The following CSMD1 variants were observed in gnomAD, a reference collection of about 807,000 sequenced individuals.
CSMD1 encodes the protein CUB and Sushi multiple domains 1, also known as CUB and sushi domain-containing protein 1.
Under a neutral mutation model 417.5 loss-of-function variants are expected in CSMD1, and 213 were observed. That is an observed-to-expected ratio of 0.51 (90% confidence interval 0.46 to 0.57). The LOEUF (loss-of-function observed/expected upper bound fraction) is 0.57, where lower values mean the gene tolerates loss of function less well. Ranked by LOEUF, CSMD1 falls within the 20% of genes least tolerant of loss-of-function variation. CSMD1 has a pLI of 0.00. For synonymous variants in CSMD1, 2,862 were observed against 1,736.8 expected, an observed-to-expected ratio of 1.65 and a Z score of -16.11; for missense variants, 6,923 against 4,529.7, an observed-to-expected ratio of 1.53 and a Z score of -15.17.
At chr8:4,927,328 G>C (rs920182285) in intron 1 of CSMD1, among the ~76,000 whole-genome samples, 9 of 152,076 alleles carry the variant, frequency 5.9e-5, no homozygotes, top group African/African-American at 2.2e-4. Context: ...AAAGTGGTAG[G>C]ATTACAGGTA....
chr8:3,147,980 C>T (rs562739115), intron 40 of CSMD1, among the ~76,000 whole-genome samples: 8 of 152,164 alleles, frequency 5.3e-5, no homozygotes, highest in Non-Finnish European at 1.2e-4. Context: ...ACCAAGATCA[C>T]CCTAACAGCA....
intron 1 of CSMD1, among the ~76,000 whole-genome samples, chr8:4,638,511 C>G (rs1802983983): frequency 6.6e-6 from 1 of 152,166 alleles, no homozygotes; most frequent in African/African-American, 2.4e-5. Flanking sequence ...AGGACTGTAA[C>G]AACATCCTCA....
Position 4,840,974 on chromosome 8 carries a change from C to A in CSMD1, c.85+153358G>T, listed in dbSNP as rs1022805605. On this transcript the variant is annotated intron_variant, in intron 1 of 69. Coordinates refer to ENST00000635120, the MANE Select transcript of CSMD1 (RefSeq NM_033225.6). Reference sequence around the variant, plus strand: ...TAAAAAACAAGTGCACTGGGCTAGTCCGATAAGGAGCATGTCCTCTTAACT... The same window carrying A: ...TAAAAAACAAGTGCACTGGGCTAGTACGATAAGGAGCATGTCCTCTTAACT... Among the ~76,000 whole-genome samples the A allele has an allele frequency of 2.6e-5, 4 of 152,202 alleles. No individual in the cohort carries two copies. In the East Asian group the frequency reaches 7.7e-4, roughly 29 times the overall value.
chr8:4,604,162 C>G (rs1452150253), intron 2 of CSMD1, among the ~76,000 whole-genome samples: 1 of 152,030 alleles, frequency 6.6e-6, no homozygotes, highest in East Asian at 1.9e-4. Context: ...AGTGGTAACT[C>G]TATTCCAAAG....
chr8:4,318,787 T>C (rs1352021082), intron 3 of CSMD1, among the ~76,000 whole-genome samples: 3 of 151,814 alleles, frequency 2.0e-5, no homozygotes, highest in African/African-American at 7.2e-5. Flanking sequence ...GGCATTGTAT[T>C]TACAAGCAAG....
intron 2 of CSMD1, among the ~76,000 whole-genome samples, chr8:4,635,077 A>G (rs1284603160): frequency 6.6e-6 from 1 of 152,190 alleles, no homozygotes; most frequent in African/African-American, 2.4e-5. Context: ...ACAAGTAGAA[A>G]TATGACATAT....
intron 20 of CSMD1, among the ~76,000 whole-genome samples, chr8:3,365,326 G>C (rs1041070015): frequency 6.6e-6 from 1 of 152,266 alleles, no homozygotes; most frequent in Non-Finnish European, 1.5e-5. Context: ...ATGGCAACTA[G>C]GTAGAATTAG....
chr8:4,791,263 C>A (rs957598695), intron 1 of CSMD1, among the ~76,000 whole-genome samples: 1 of 152,160 alleles, frequency 6.6e-6, no homozygotes, highest in Non-Finnish European at 1.5e-5. Flanking sequence ...CTTTGCCTGT[C>A]ATGGACACAG....
At chr8:4,438,198 G>C (rs534650837) in intron 2 of CSMD1, among the ~76,000 whole-genome samples, 1 of 152,138 alleles carries the variant, frequency 6.6e-6, no homozygotes, top group African/African-American at 2.4e-5. Context: ...CATTGAGATC[G>C]ATCTGCAAGA....
chr8:4,747,459 G>A (rs779719240), intron 1 of CSMD1, among the ~76,000 whole-genome samples: 2 of 152,096 alleles, frequency 1.3e-5, no homozygotes, highest in East Asian at 1.9e-4. Flanking sequence ...GAAAATTTAA[G>A]CAGGAAAGAG....
At chr8:3,600,214 C>G (rs1801295938) in intron 8 of CSMD1, among the ~76,000 whole-genome samples, 1 of 152,204 alleles carries the variant, frequency 6.6e-6, no homozygotes, top group Non-Finnish European at 1.5e-5. Context: ...ATCTGTCTGT[C>G]TTTCTCCTTT....
intron 7 of CSMD1, among the ~76,000 whole-genome samples, chr8:3,656,544 G>A (rs1406706342): frequency 1.5e-4 from 23 of 152,222 alleles, no homozygotes. Context: ...ATGGGTAGAT[G>A]CTCAAATGAG....
intron 1 of CSMD1, among the ~76,000 whole-genome samples, chr8:4,640,248 A>C (rs114214490): frequency 0.013 from 1,960 of 152,310 alleles, 38 homozygotes; most frequent in African/African-American, 0.045. Context: ...AAATTTTGGC[A>C]ACTGCTCAAA....
At chr8:4,127,373 C>G (rs1300369802) in intron 3 of CSMD1, among the ~76,000 whole-genome samples, 1 of 149,972 alleles carries the variant, frequency 6.7e-6, no homozygotes, top group East Asian at 2.0e-4. Flanking sequence ...TCAGCTTCAG[C>G]CACCTGAAAA....
chr8:3,781,205 G>C (rs1799161485), intron 5 of CSMD1, among the ~76,000 whole-genome samples: 1 of 152,068 alleles, frequency 6.6e-6, no homozygotes, highest in East Asian at 1.9e-4. Flanking sequence ...GTGATAATTG[G>C]AGCAAAATTT....
In CSMD1 at chr8:4,895,354, T is replaced by C. The variant is rs187817118; in HGVS notation, c.85+98978A>G. 1.5e-4 allele frequency among the ~76,000 whole-genome samples: 23 copies of C among 152,208 alleles called. No homozygotes were observed. The East Asian group carries it at 4.3e-3, about 28-fold the overall frequency. ...ATTTCAGTTTCTGGAGTAATGTAAGTGTAACAGCATGTTTAGCTCAGTATG... is the reference window on the plus strand; with the variant it reads ...ATTTCAGTTTCTGGAGTAATGTAAGCGTAACAGCATGTTTAGCTCAGTATG... On this transcript the variant is annotated intron_variant, in intron 1 of 69. Transcript: ENST00000635120.
intron 5 of CSMD1, among the ~76,000 whole-genome samples, chr8:3,893,795 T>C (rs188233103): frequency 9.2e-5 from 14 of 152,220 alleles, no homozygotes; most frequent in Non-Finnish European, 1.5e-4. Context: ...ATTTCCCCTA[T>C]AGAGAGCATG....
chr8:3,453,627 A>C (rs769248812), intron 12 of CSMD1, among the ~76,000 whole-genome samples: 2 of 152,058 alleles, frequency 1.3e-5, no homozygotes, highest in African/African-American at 2.4e-5. Flanking sequence ...TAGTTTTGAG[A>C]GACTTTCTTA....
chr8:3,271,894 G>T lies in CSMD1; in HGVS notation c.4153+12250C>A, dbSNP rs542171044. 9.0e-3 allele frequency among the ~76,000 whole-genome samples: 1,368 copies of T among 152,208 alleles called. 11 individuals are homozygous for T. Among genetic ancestry groups the T allele is most frequent in the Admixed American group, 0.014 (214 of 15,294 alleles). ...ATTTTGTAGGTTGCCTGTTCACTCT[G>T]ATGGTAGTTTCTTTTGCTGTGCAGA... is the stretch of plus-strand genomic sequence containing the variant. On this transcript the variant is annotated intron_variant, in intron 26 of 69. Coordinates refer to ENST00000635120, the MANE Select transcript of CSMD1 (RefSeq NM_033225.6).
Sources: allele counts gnomAD v4.1 joint callset (sites outside exome capture counted in the v4.1 genomes callset), GRCh38; gene constraint gnomAD v4.1.1; transcripts MANE v1.5; gene names NCBI Gene and HGNC (gene_info 2026-07-23, HGNC 2026-07-21).